Variants in DLGAP2 observed in about 807,000 individuals in gnomAD.
DLGAP2 encodes the protein disks large-associated protein 2.
DLGAP2 carries 26 observed loss-of-function variants against 100.3 expected under a neutral mutation model. The observed-to-expected ratio is 0.26, with a 90% confidence interval of 0.19 to 0.36. The LOEUF is 0.36. Among genes scored for constraint, DLGAP2 ranks in the 10% least tolerant of loss-of-function variants. DLGAP2 has a pLI of 1.00. For missense variants in DLGAP2, 1,858 were observed against 1,453.2 expected, an observed-to-expected ratio of 1.28 and a Z score of -4.53; for synonymous variants, 886 against 630.1, an observed-to-expected ratio of 1.41 and a Z score of -6.08.
chr8:1,264,162 GAAAAC>G (rs2116915929), intron 3 of DLGAP2, among the ~76,000 whole-genome samples: 1 of 140,644 alleles, frequency 7.1e-6, no homozygotes, highest in South Asian at 2.2e-4. Context: ...GAGCTTGGAT[GAAAAC>G]AAAAGAAAGG....
chr8:1,181,126 C>T lies in DLGAP2; in HGVS notation c.74-77725C>T, dbSNP rs1387916229. ...GTGTGGGTGGCTGTGCAAGGGCAGTCACTTACTGTCGAGTGTGGGTGGCTG... is the reference window on the plus strand; with the variant it reads ...GTGTGGGTGGCTGTGCAAGGGCAGTTACTTACTGTCGAGTGTGGGTGGCTG... On this transcript the variant is annotated intron_variant, in intron 2 of 14. Coordinates refer to ENST00000637795, the MANE Select transcript of DLGAP2 (RefSeq NM_001346810.2). 4.2e-5 allele frequency among the ~76,000 whole-genome samples: 2 copies of T among 47,826 alleles called. 1 individual carries two copies. Among genetic ancestry groups the T allele is most frequent in the Non-Finnish European group, 7.8e-5 (2 of 25,726 alleles). The allele number at this position is 47,826 out of a possible 152,430, so 31.4% of individuals were successfully genotyped here. A position where few individuals can be genotyped will look rare whatever the true frequency, so the allele number is the denominator to read the frequency against.
intron 3 of DLGAP2, among the ~76,000 whole-genome samples, chr8:1,345,233 A>G (rs1045010282): frequency 2.6e-5 from 4 of 152,234 alleles, no homozygotes; most frequent in African/African-American, 9.7e-5. Flanking sequence ...CTGAAGGTGC[A>G]GGCTCAGTTC....
chr8:830,585 CTATT>C (rs1455808920), intron 1 of DLGAP2, among the ~76,000 whole-genome samples: 1 of 152,098 alleles, frequency 6.6e-6, no homozygotes, highest in Non-Finnish European at 1.5e-5. Context: ...ATTTGCGATT[CTATT>C]TATTTAAGTT....
intron 3 of DLGAP2, among the ~76,000 whole-genome samples, chr8:1,316,900 G>A (rs1437459342): frequency 6.2e-5 from 8 of 130,048 alleles, no homozygotes; most frequent in East Asian, 4.5e-4. Context: ...AATAGAGCGT[G>A]TGCGAGTGCA....
At chr8:1,317,143 C>T (rs1239388749) in intron 3 of DLGAP2, among the ~76,000 whole-genome samples, 1 of 135,506 alleles carries the variant, frequency 7.4e-6, no homozygotes, top group Non-Finnish European at 1.5e-5. Flanking sequence ...CAGTGGTCTA[C>T]ACTGGAGAAA....
chr8:784,379 G>A (rs913716512), intron 1 of DLGAP2, among the ~76,000 whole-genome samples: 2 of 152,174 alleles, frequency 1.3e-5, no homozygotes, highest in African/African-American at 4.8e-5. Context: ...GAAAAAGAGA[G>A]GAAAACGTCT....
chr8:875,456 G>A (rs1173178170), intron 1 of DLGAP2, among the ~76,000 whole-genome samples: 1 of 152,124 alleles, frequency 6.6e-6, no homozygotes, highest in Non-Finnish European at 1.5e-5. Flanking sequence ...AAGTTCTCAT[G>A]AGATCTGGTG....
At chr8:780,535 G>A (rs1821655132) in intron 1 of DLGAP2, among the ~76,000 whole-genome samples, 1 of 152,170 alleles carries the variant, frequency 6.6e-6, no homozygotes, top group Non-Finnish European at 1.5e-5. Flanking sequence ...TGGTTTTTCA[G>A]GGAGGCTCTG....
intron 2 of DLGAP2, among the ~76,000 whole-genome samples, chr8:1,189,666 A>G (rs1021866943): frequency 5.9e-5 from 9 of 152,258 alleles, no homozygotes; most frequent in Admixed American, 2.6e-4. Flanking sequence ...GGGATGGATC[A>G]ATGACAGGGC....
At chr8:748,410 G>A (rs967734591) in intron 1 of DLGAP2, among the ~76,000 whole-genome samples, 6 of 152,078 alleles carry the variant, frequency 3.9e-5, no homozygotes, top group South Asian at 2.1e-4. Flanking sequence ...CATGCTCCAC[G>A]TAGCCACAGG....
At chr8:805,396 T>C (rs1288965525) in intron 1 of DLGAP2, among the ~76,000 whole-genome samples, 3 of 152,170 alleles carry the variant, frequency 2.0e-5, no homozygotes, top group Non-Finnish European at 4.4e-5. Flanking sequence ...GCTTTCTTCC[T>C]ATGGTGCTTC....
chr8:1,067,527 C>G (rs537618705), intron 2 of DLGAP2, among the ~76,000 whole-genome samples: 1 of 152,178 alleles, frequency 6.6e-6, no homozygotes, highest in South Asian at 2.1e-4. Flanking sequence ...GGGCTATGCC[C>G]GGCCCACGCA....
At chr8:1,671,676 T>G (rs934982474) in intron 10 of DLGAP2, among the ~76,000 whole-genome samples, 8 of 152,222 alleles carry the variant, frequency 5.3e-5, no homozygotes, top group Non-Finnish European at 1.5e-5. Context: ...GGTCCTCAGC[T>G]CACACCTCCT....
At chr8:1,262,164 C>T (rs1026804973) in intron 3 of DLGAP2, among the ~76,000 whole-genome samples, 1 of 152,168 alleles carries the variant, frequency 6.6e-6, no homozygotes, top group African/African-American at 2.4e-5. Flanking sequence ...ACAAACGCAA[C>T]CAGGGACAAA....
At position 1,549,092 on chromosome 8, in the gene DLGAP2, G is replaced by C; in HGVS notation, c.639G>C (p.Gln213His). 3.2e-6 allele frequency: 5 copies of C among 1,584,608 alleles called. No individual in the cohort carries two copies. Among genetic ancestry groups the C allele is most frequent in the Non-Finnish European group, 4.3e-6 (5 of 1,168,846 alleles). The change falls in exon 5 of 15, where the codon CAG becomes CAC. Residue 213 changes from glutamine (Q) to histidine (H), a missense_variant. Transcript: ENST00000637795. ...HRDGFHTLQY[Q>H]RTSAAAEQRS... is the part of the protein sequence containing the mutation. ...ACGGCTTCCACACGCTGCAGTACCA[G>C]AGGACGTCCGCGGCCGCCGAGCAGC...
chr8:1,004,734 C>A (rs73673048), intron 2 of DLGAP2, among the ~76,000 whole-genome samples: 1 of 152,138 alleles, frequency 6.6e-6, no homozygotes, highest in Non-Finnish European at 1.5e-5. Context: ...GCTGGGAGGT[C>A]GGCTTCACAC....
chr8:1,344,249 G>A (rs371906241), intron 3 of DLGAP2, among the ~76,000 whole-genome samples: 37 of 119,042 alleles, frequency 3.1e-4, no homozygotes, highest in Middle Eastern at 4.8e-3. Context: ...TGCACACTTC[G>A]CCCAGTCTCC....
chr8:1,361,748 G>A (rs776408565), intron 3 of DLGAP2, among the ~76,000 whole-genome samples: 9 of 152,198 alleles, frequency 5.9e-5, no homozygotes, highest in East Asian at 1.9e-4. Context: ...CGAGTGAGTC[G>A]GAAATTTGTA....
chr8:1,429,591 T>G (rs1797349657), intron 3 of DLGAP2, among the ~76,000 whole-genome samples: 1 of 152,054 alleles, frequency 6.6e-6, no homozygotes, highest in Non-Finnish European at 1.5e-5. Flanking sequence ...TTACAAGAAC[T>G]AATCCTAAAG....
Sources: gnomAD v4.1 joint callset for allele counts (sites outside exome capture counted in the v4.1 genomes callset) on GRCh38, gnomAD v4.1.1 for gene constraint, MANE v1.5 for transcripts, NCBI Gene and HGNC (gene_info 2026-07-23, HGNC 2026-07-21) for gene names.